The following SLC2A10 variants were observed in gnomAD, a reference collection of about 807,000 sequenced individuals.
SLC2A10 encodes the protein solute carrier family 2 member 10.
A neutral mutation model predicts 32.1 loss-of-function variants in SLC2A10; 25 were observed. That is an observed-to-expected ratio of 0.78 (90% CI 0.57 to 1.09). The LOEUF is 1.09. SLC2A10 is among the 50% of genes least tolerant of loss of function. The probability of loss-of-function intolerance (pLI) is 0.00; values close to 1 mark genes in which losing one functional copy is unlikely to be tolerated. For synonymous variants in SLC2A10, 332 were observed against 309.6 expected, an observed-to-expected ratio of 1.07 and a Z score of -0.76; for missense variants, 673 against 686.5, an observed-to-expected ratio of 0.98 and a Z score of 0.22.
At chr20:46,715,717 A>G (rs1359053750) in intron 1 of SLC2A10, among the ~76,000 whole-genome samples, 1 of 152,222 alleles carries the variant, frequency 6.6e-6, no homozygotes, top group Non-Finnish European at 1.5e-5. Context: ...GGACCCAAGC[A>G]AGAGAACAGA....
intron 4 of SLC2A10, among the ~76,000 whole-genome samples, chr20:46,730,829 C>T (rs184920852): frequency 6.6e-5 from 10 of 152,264 alleles, no homozygotes; most frequent in Middle Eastern, 3.4e-3. Context: ...TGGCAAATAT[C>T]CCCAGTTACC....
At position 46,710,051 on chromosome 20, in the gene SLC2A10, C is replaced by T. The variant is rs144073179; in HGVS notation, c.4+311C>T. 3.3e-4 allele frequency: 161 copies of T among 493,326 alleles called. 1 individual carries two copies. Among genetic ancestry groups the T allele is most frequent in the African/African-American group, 2.6e-3 (127 of 49,210 alleles). The allele number at this position is 493,326 out of a possible 1,614,324, so 30.6% of individuals were successfully genotyped here. ...CAGCCCCAGGCAAGTGCAGCTGTTCCTGGTCTGCAGATGAAGAAATGGAGG... is the reference window on the plus strand; with the variant it reads ...CAGCCCCAGGCAAGTGCAGCTGTTCTTGGTCTGCAGATGAAGAAATGGAGG... On this transcript the variant is annotated intron_variant, in intron 1 of 4. Coordinates refer to ENST00000359271, the MANE Select transcript of SLC2A10 (RefSeq NM_030777.4).
intron 3 of SLC2A10, 121 bp from the exon 4 acceptor site, chr20:46,729,232 C>T (rs1980140952): frequency 7.2e-6 from 9 of 1,243,898 alleles, no homozygotes; most frequent in East Asian, 4.7e-5. Flanking sequence ...AATTGACCAA[C>T]GGGAACATTT....
Position 46,725,252 on chromosome 20 carries a change from T to C in SLC2A10, c.216T>C (p.Tyr72=), listed in dbSNP as rs1309090175. ...SLVGGFLIDC[Y]GRKQAILGSN... ...TTGGTGGCTTCCTCATTGACTGCTA[T>C]GGCAGGAAGCAAGCCATCCTCGGGA... The change falls in exon 2 of 5, where the codon TAT becomes TAC. Residue 72 remains tyrosine, a synonymous_variant. Transcript: ENST00000359271. 8.1e-6 allele frequency: 13 copies of C among 1,614,052 alleles called. No homozygotes were observed. The highest frequency in any genetic ancestry group is 1.1e-5 in the South Asian group (1 of 91,090).
At chr20:46,711,086 T>TG (rs111302833) in intron 1 of SLC2A10, among the ~76,000 whole-genome samples, 22,175 of 152,090 alleles carry the variant, frequency 0.15, 2,500 homozygotes, top group African/African-American at 0.31. Context: ...TTGGCCAGGA[T>TG]GTCTTGATCT....
chr20:46,711,034 A>C (rs1189896148), intron 1 of SLC2A10, among the ~76,000 whole-genome samples: 3 of 151,932 alleles, frequency 2.0e-5, no homozygotes, highest in African/African-American at 7.3e-5. Context: ...CACCACGCCC[A>C]GCTAATTTTT....
At chr20:46,718,209 A>C (rs1017770775) in intron 1 of SLC2A10, among the ~76,000 whole-genome samples, 1 of 151,456 alleles carries the variant, frequency 6.6e-6, no homozygotes, top group Non-Finnish European at 1.5e-5. Flanking sequence ...ACGGAACGAG[A>C]CCTCATCTTA....
rs1268567876 is a variant in SLC2A10, at chr20:46,709,735, C to T, written c.-2C>T. 2.6e-6 allele frequency: 4 copies of T among 1,546,940 alleles called. No homozygotes were observed. Among genetic ancestry groups the T allele is most frequent in the South Asian group, 1.2e-5 (1 of 83,846 alleles). On this transcript the variant is annotated 5_prime_UTR_variant, in exon 1 of 5. Coordinates refer to ENST00000359271, the MANE Select transcript of SLC2A10 (RefSeq NM_030777.4). ...CCAGCACGCCGCCGAGTCCCGCTCG[C>T]CATGGGTAAGTCCCGATCGGGCGCT...
At chr20:46,726,772 A>T in intron 2 of SLC2A10, 92 bp from the exon 3 acceptor site, 2 of 1,545,690 alleles carry the variant, frequency 1.3e-6, no homozygotes, top group Non-Finnish European at 1.8e-6. Flanking sequence ...ACACTAGAAA[A>T]TCCCATTGTT....
intron 1 of SLC2A10, among the ~76,000 whole-genome samples, chr20:46,724,738 G>A (rs1387171476): frequency 6.7e-6 from 1 of 149,324 alleles, no homozygotes; most frequent in Non-Finnish European, 1.5e-5. Context: ...TTGAACAGAT[G>A]GAGTAGATGG....
At chr20:46,727,961 CT>C (rs1398978780) in intron 3 of SLC2A10, among the ~76,000 whole-genome samples, 6 of 149,990 alleles carry the variant, frequency 4.0e-5, no homozygotes, top group Admixed American at 6.7e-5. Context: ...AGAACCCCCC[CT>C]ATCATGGCTG....
At chr20:46,709,878 C>A in intron 1 of SLC2A10, 138 bp downstream of exon 1, 1 of 1,025,792 alleles carries the variant, frequency 9.7e-7, no homozygotes, top group Non-Finnish European at 1.5e-6. Context: ...TCTCGGGTGG[C>A]CAGCCCGAGA....
Position 46,733,831 on chromosome 20 carries a change from C to T in SLC2A10, c.1623C>T (p.Ser541=), listed in dbSNP as rs6094447. ...GCCGCATCGAGATCTCTGCGGCCTCCTGAGGAATCCGTCTGCCTGGAAATT... is the reference window on the plus strand; with the variant it reads ...GCCGCATCGAGATCTCTGCGGCCTCTTGAGGAATCCGTCTGCCTGGAAATT... ...PYSRIEISAA[S] Residue 541 remains serine (S), a synonymous_variant, in exon 5 of 5, where the codon TCC becomes TCT. Transcript: ENST00000359271. 1 of 1,614,128 alleles carries T rather than the reference C, an allele frequency of 6.2e-7. No individual in the cohort carries two copies. The highest frequency in any genetic ancestry group is 1.1e-5 in the South Asian group (1 of 91,078).
At chr20:46,708,690 G>A (rs1046286617), upstream of SLC2A10, among the ~76,000 whole-genome samples, 11 of 152,186 alleles carry the variant, frequency 7.2e-5, no homozygotes, top group African/African-American at 2.2e-4. Context: ...CCCTTAACCA[G>A]TTAGAACTCC....
intron 1 of SLC2A10, among the ~76,000 whole-genome samples, chr20:46,721,165 G>A (rs921267855): frequency 6.6e-6 from 1 of 152,138 alleles, no homozygotes; most frequent in African/African-American, 2.4e-5. Context: ...GCCATATTCT[G>A]GTGGTTAAAA....
intron 1 of SLC2A10, 113 bp downstream of exon 1, chr20:46,709,853 C>G: frequency 7.6e-7 from 1 of 1,319,334 alleles, no homozygotes; most frequent in Non-Finnish European, 1.1e-6. Context: ...AGGGCCGCCC[C>G]GGCCGGATAC....
intron 1 of SLC2A10, among the ~76,000 whole-genome samples, chr20:46,722,790 C>T (rs538506301): frequency 6.6e-6 from 1 of 152,316 alleles, no homozygotes; most frequent in East Asian, 1.9e-4. Context: ...GTTAACAATA[C>T]CTGGAGCTGT....
At chr20:46,710,935 G>A (rs1365939907) in intron 1 of SLC2A10, among the ~76,000 whole-genome samples, 4 of 151,830 alleles carry the variant, frequency 2.6e-5, no homozygotes, top group East Asian at 3.9e-4. Flanking sequence ...GTGCAGTGGC[G>A]TGATCCCGCT....
chr20:46,727,552 C>T (rs1244296639), intron 3 of SLC2A10, among the ~76,000 whole-genome samples: 1 of 152,074 alleles, frequency 6.6e-6, no homozygotes, highest in African/African-American at 2.4e-5. Flanking sequence ...AACTCCTGAC[C>T]TCAAGTGATC....
Sources: allele counts gnomAD v4.1 joint callset (sites outside exome capture counted in the v4.1 genomes callset), GRCh38; gene constraint gnomAD v4.1.1; transcripts MANE v1.5; gene names NCBI Gene and HGNC (gene_info 2026-07-23, HGNC 2026-07-21).